Variants in VIT observed in about 807,000 individuals in gnomAD.
VIT encodes vitrin.
VIT carries 99 observed loss-of-function variants against 78.0 expected under a neutral mutation model. That is an observed-to-expected ratio of 1.27 (90% CI 1.08 to 1.50). The LOEUF is 1.50. Ranked by LOEUF, VIT falls within the 40% of genes most tolerant of loss-of-function variation. The pLI is 0.00. For missense variants in VIT, 1,126 were observed against 875.3 expected, an observed-to-expected ratio of 1.29 and a Z score of -3.61; for synonymous variants, 374 against 334.3, an observed-to-expected ratio of 1.12 and a Z score of -1.29.
chr2:36,789,074 T>C (rs1665304573), intron 12 of VIT, among the ~76,000 whole-genome samples: 3 of 152,350 alleles, frequency 2.0e-5, no homozygotes, highest in Admixed American at 1.3e-4. Flanking sequence ...GGGGTTCTTA[T>C]TAATTTGGAG....
intron 1 of VIT, among the ~76,000 whole-genome samples, 166 bp from the exon 2 acceptor site, chr2:36,716,187 G>A (rs1241957049): frequency 6.6e-6 from 1 of 152,156 alleles, no homozygotes; most frequent in Non-Finnish European, 1.5e-5. Context: ...TACCAGCAAG[G>A]CCAGCCACTG....
At chr2:36,769,851 C>A (rs1488604953) in intron 7 of VIT, among the ~76,000 whole-genome samples, 1 of 152,178 alleles carries the variant, frequency 6.6e-6, no homozygotes, top group East Asian at 1.9e-4. Context: ...TCCCCAACCC[C>A]TCCTCCCCAG....
intron 3 of VIT, among the ~76,000 whole-genome samples, chr2:36,740,730 A>G (rs188994788): frequency 9.2e-5 from 14 of 152,360 alleles, no homozygotes; most frequent in East Asian, 1.9e-4. Context: ...AGACAAAATA[A>G]ACAAGCAAAC....
At position 36,758,977 on chromosome 2, in the gene VIT, C is replaced by T. The variant is rs766137299; in HGVS notation, c.418C>T (p.Pro140Ser). ...TTTTCTCTTTTTTGCAGAAAGTAAACCCAAAAAGGGTGTAACCTACCCATC... is the reference window on the plus strand; with the variant it reads ...TTTTCTCTTTTTTGCAGAAAGTAAATCCAAAAAGGGTGTAACCTACCCATC... The part of the protein sequence containing the change: ...RESFIVLESK[P>S]KKGVTYPSAL... Residue 140 changes from proline (P) to serine (S), a missense_variant, in exon 6 of 16, where the codon CCC becomes TCC. Physicochemically the swap from Pro to Ser is moderately conservative, Grantham distance 74. Coordinates refer to ENST00000379242, the MANE Select transcript of VIT (RefSeq NM_053276.4). 1.4e-5 allele frequency: 23 copies of T among 1,611,892 alleles called. 1 individual carries two copies. The highest frequency in any genetic ancestry group is 3.3e-4 in the Middle Eastern group (2 of 6,072).
intron 15 of VIT, among the ~76,000 whole-genome samples, chr2:36,811,653 CT>C (rs1292268760): frequency 2.7e-5 from 4 of 150,598 alleles, no homozygotes; most frequent in Admixed American, 6.6e-5. Context: ...AATTTATTTT[CT>C]TTTTTTTCTT....
chr2:36,700,858 G>A (rs1665010647), intron 1 of VIT, among the ~76,000 whole-genome samples: 2 of 152,020 alleles, frequency 1.3e-5, no homozygotes, highest in South Asian at 4.2e-4. Context: ...AACATATGAG[G>A]TGGGCTTTTA....
At chr2:36,706,741 C>T (rs932890134) in intron 1 of VIT, among the ~76,000 whole-genome samples, 2 of 152,172 alleles carry the variant, frequency 1.3e-5, no homozygotes, top group African/African-American at 4.8e-5. Flanking sequence ...CTGCATCTGA[C>T]AATAATAATT....
At chr2:36,809,015 C>A in intron 15 of VIT, 30 bp downstream of exon 15, 1 of 1,536,632 alleles carries the variant, frequency 6.5e-7, no homozygotes, top group African/African-American at 1.4e-5. Context: ...CAGCCTGGTG[C>A]TGAGGCTGCT....
At chr2:36,725,443 G>T (rs1446790576) in intron 2 of VIT, among the ~76,000 whole-genome samples, 2 of 152,070 alleles carry the variant, frequency 1.3e-5, no homozygotes, top group African/African-American at 4.8e-5. Flanking sequence ...GTCCTCACAT[G>T]ACAGAAGAGG....
At position 36,805,129 on chromosome 2, in the gene VIT, C is replaced by T. The variant is rs540619300; in HGVS notation, c.1163-309C>T. 3.3e-5 allele frequency among the ~76,000 whole-genome samples: 5 copies of T among 151,974 alleles called. No individual in the cohort carries two copies. The South Asian group carries it at 1.0e-3, about 32-fold the overall frequency. On this transcript the variant is annotated intron_variant, in intron 13 of 15. Transcript: ENST00000379242. ...ACCAGCCTAGGCAGCATGGCAAAAC[C>T]TCGTCTCTACAAAAAAAACACAAAA...
At chr2:36,763,788 C>A (rs748549330) in intron 6 of VIT, among the ~76,000 whole-genome samples, 4 of 152,022 alleles carry the variant, frequency 2.6e-5, no homozygotes, top group South Asian at 4.1e-4. Context: ...AGAGTTTCTC[C>A]ATGTTGGTCA....
chr2:36,709,298 T>C (rs1278637869), intron 1 of VIT, among the ~76,000 whole-genome samples: 1 of 152,220 alleles, frequency 6.6e-6, no homozygotes, highest in Non-Finnish European at 1.5e-5. Flanking sequence ...CAGCTCCTCT[T>C]CTTCCTAGCC....
At position 36,805,709 on chromosome 2, in the gene VIT, A is replaced by C. The variant is rs751866482; in HGVS notation, c.1389+45A>C. ...CCTACCCAACATCAGGATTTTCTGC[A>C]CTCTGAAAAATTGTAACGCCGTTGC... On this transcript the variant is annotated intron_variant, in intron 14 of 15. Coordinates refer to ENST00000379242, the MANE Select transcript of VIT (RefSeq NM_053276.4). 8.2e-6 allele frequency: 13 copies of C among 1,581,176 alleles called. No homozygotes were observed. In the East Asian group the frequency reaches 2.5e-4, roughly 30 times the overall value.
intron 15 of VIT, 140 bp from the exon 16 acceptor site, chr2:36,814,043 A>G (rs1667382991): frequency 1.1e-6 from 1 of 907,514 alleles, no homozygotes; most frequent in African/African-American, 1.7e-5. Context: ...AGAGGCCTGT[A>G]GCGTATTTTT....
At chr2:36,801,438 C>A in intron 13 of VIT, 34 bp downstream of exon 13, 1 of 1,518,326 alleles carries the variant, frequency 6.6e-7, no homozygotes, top group African/African-American at 1.4e-5. Flanking sequence ...TACTATCTTG[C>A]TACCATCGTT....
chr2:36,697,435 C>T (rs561996686), intron 1 of VIT, among the ~76,000 whole-genome samples: 7 of 152,318 alleles, frequency 4.6e-5, no homozygotes, highest in Admixed American at 4.6e-4. Flanking sequence ...GAAACTATTT[C>T]GTGTGGATCT....
rs1295270620 is a variant in VIT at position 36,801,359 on chromosome 2, A to G, written c.1117A>G (p.Thr373Ala). 3.7e-6 allele frequency: 6 copies of G among 1,614,008 alleles called. No homozygotes were observed. The African/African-American group carries it at 4.0e-5, about 11-fold the overall frequency. ...ACACACGAATTCTCGAGATCTGAAG[A>G]CAGCCATAGAGAAAATTACTCAGAG... ...KTHTNSRDLK[T>A]AIEKITQRGG... The change falls in exon 13 of 16, where the codon ACA becomes GCA. Residue 373 changes from threonine to alanine, a missense_variant. Transcript: ENST00000379242.
intron 13 of VIT, among the ~76,000 whole-genome samples, chr2:36,804,634 A>G (rs990273815): frequency 2.6e-5 from 4 of 152,190 alleles, no homozygotes; most frequent in Non-Finnish European, 4.4e-5. Flanking sequence ...GATCGAGACC[A>G]TCCTGGCCAA....
At chr2:36,801,945 CCTGA>C (rs916754990) in intron 13 of VIT, among the ~76,000 whole-genome samples, 2 of 152,150 alleles carry the variant, frequency 1.3e-5, no homozygotes, top group Non-Finnish European at 2.9e-5. Context: ...AGTCTGCTGT[CCTGA>C]CTATTTTTTT....
Sources: allele counts gnomAD v4.1 joint callset (sites outside exome capture counted in the v4.1 genomes callset), GRCh38; gene constraint gnomAD v4.1.1; transcripts MANE v1.5; gene names NCBI Gene and HGNC (gene_info 2026-07-23, HGNC 2026-07-21).